Variants in ARPP21 observed in about 807,000 individuals in gnomAD.
ARPP21 encodes the protein cAMP regulated phosphoprotein 21.
Under a neutral mutation model 113.2 loss-of-function variants are expected in ARPP21, and 69 were observed. The observed-to-expected ratio is 0.61, with a 90% CI of 0.50 to 0.74. The LOEUF (loss-of-function observed/expected upper bound fraction) is 0.74. Among genes scored for constraint, ARPP21 ranks in the 30% least tolerant of loss-of-function variants. ARPP21 has a pLI of 0.00. For synonymous variants in ARPP21, 368 were observed against 375.5 expected (o/e 0.98, Z 0.23); for missense variants, 1,070 against 1,037.4 (o/e 1.03, Z -0.43).
chr3:35,724,309 G>A (rs766228673), intron 14 of ARPP21, among the ~76,000 whole-genome samples: 6 of 152,122 alleles, frequency 3.9e-5, no homozygotes, highest in Non-Finnish European at 7.3e-5. Context: ...ACACCTGTGC[G>A]GCAACCTCAG....
At chr3:35,655,527 G>T (rs1704447812) in intron 1 of ARPP21, among the ~76,000 whole-genome samples, 1 of 151,916 alleles carries the variant, frequency 6.6e-6, no homozygotes, top group South Asian at 2.1e-4. Context: ...TGAATTTATT[G>T]TTTCAAATGA....
rs1240250291 is a variant in ARPP21 at position 35,690,138 on chromosome 3, C to G, written c.543C>G (p.Asn181Lys). The change falls in exon 8 of 21, where the codon AAC (asparagine) becomes AAG (lysine). Residue 181 changes from asparagine to lysine, a missense_variant and splice_region_variant. Transcript: ENST00000684406. Reference sequence around the variant, plus strand: ...AAATTATTGATTTCATTGCTGACAACAAGTATGTTAAACTTCAATGCTGGT... The same window carrying G: ...AAATTATTGATTTCATTGCTGACAAGAAGTATGTTAAACTTCAATGCTGGT... ...EQEIIDFIAD[N>K]NNHYKKFPQM... 4 of 1,423,842 alleles carry G rather than the reference C, an allele frequency of 2.8e-6. No homozygotes were observed. The highest frequency in any genetic ancestry group is 4.0e-6 in the Non-Finnish European group (4 of 1,008,228). The allele number at this position is 1,423,842 out of a possible 1,614,324, so 88.2% of individuals were successfully genotyped here.
At chr3:35,654,428 G>A (rs1212214995) in intron 1 of ARPP21, among the ~76,000 whole-genome samples, 1 of 152,040 alleles carries the variant, frequency 6.6e-6, no homozygotes, top group Non-Finnish European at 1.5e-5. Flanking sequence ...CTGCCCCATG[G>A]GGGAGAAGTA....
intron 19 of ARPP21, among the ~76,000 whole-genome samples, chr3:35,787,875 C>T (rs2096664852): frequency 6.6e-6 from 1 of 152,130 alleles, no homozygotes; most frequent in Non-Finnish European, 1.5e-5. Flanking sequence ...CAGAAAACCA[C>T]AATTTAAATT....
chr3:35,697,034 A>G (rs1313831111), intron 9 of ARPP21, among the ~76,000 whole-genome samples: 3 of 151,596 alleles, frequency 2.0e-5, no homozygotes, highest in African/African-American at 4.8e-5. Context: ...CTCTTGCACA[A>G]GTGTTTTCCA....
At chr3:35,739,609 A>G in intron 18 of ARPP21, 32 bp downstream of exon 18, 1 of 1,573,072 alleles carries the variant, frequency 6.4e-7, no homozygotes, top group East Asian at 2.3e-5. Context: ...TGTGACCTAC[A>G]GCTGATTTCT....
intron 19 of ARPP21, among the ~76,000 whole-genome samples, chr3:35,749,988 C>A (rs1235753766): frequency 6.6e-6 from 1 of 151,806 alleles, no homozygotes; most frequent in African/African-American, 2.4e-5. Context: ...ATTTTATTGA[C>A]CTTTTCCAAG....
At position 35,640,280 on chromosome 3, in the gene ARPP21, AAAAC is replaced by A. The variant is rs1300725620; in HGVS notation, c.-323_-320del. 1.3e-5 allele frequency: 2 copies of A among 152,430 alleles called. No homozygotes were observed. The highest frequency in any genetic ancestry group is 2.4e-5 in the African/African-American group (1 of 41,472). 9.4% of individuals were successfully genotyped at this position (152,430 alleles called of 1,614,324 possible). A position where few individuals can be genotyped will look rare whatever the true frequency, so the allele number is the denominator to read the frequency against. On this transcript the variant is annotated 5_prime_UTR_variant, in exon 1 of 21. Transcript: ENST00000684406. ...AACAACAAAAGCCAAGCCAAAAGCC[AAAAC>A]AAACAAATCCAGCCAAATCAATCAT...
intron 9 of ARPP21, among the ~76,000 whole-genome samples, chr3:35,705,078 A>G (rs2088242443): frequency 6.6e-6 from 1 of 152,102 alleles, no homozygotes; most frequent in Admixed American, 6.6e-5. Context: ...AAATCATTTC[A>G]CTTAACTGGA....
intron 1 of ARPP21, among the ~76,000 whole-genome samples, chr3:35,673,629 C>G (rs112519345): frequency 6.6e-6 from 1 of 151,874 alleles, no homozygotes; most frequent in African/African-American, 2.4e-5. Flanking sequence ...GTAAACATGG[C>G]TTTTATGGAC....
chr3:35,691,047 C>T (rs2149639149), intron 9 of ARPP21, 42 bp downstream of exon 9: 1 of 1,565,364 alleles, frequency 6.4e-7, no homozygotes, highest in Non-Finnish European at 8.7e-7. Flanking sequence ...TTCTTTTTCT[C>T]CTATGGATTC....
chr3:35,748,117 GA>G (rs1186083947), intron 19 of ARPP21, among the ~76,000 whole-genome samples: 130 of 119,188 alleles, frequency 1.1e-3, no homozygotes, highest in Admixed American at 0.011. Context: ...AAAGAAGAAA[GA>G]AAGAAAGAAA....
intron 1 of ARPP21, among the ~76,000 whole-genome samples, chr3:35,679,108 A>G (rs1350195551): frequency 1.3e-5 from 2 of 151,882 alleles, no homozygotes; most frequent in African/African-American, 2.4e-5. Context: ...TTTGCTGTCA[A>G]ACAGAATGCC....
intron 19 of ARPP21, among the ~76,000 whole-genome samples, chr3:35,770,839 G>A (rs758877311): frequency 6.6e-6 from 1 of 152,158 alleles, no homozygotes; most frequent in African/African-American, 2.4e-5. Context: ...GAGAATCACT[G>A]CAGTAATATA....
intron 4 of ARPP21, 128 bp downstream of exon 4, chr3:35,683,017 A>G (rs1385520306): frequency 5.8e-6 from 5 of 855,142 alleles, no homozygotes; most frequent in Admixed American, 2.6e-5. Flanking sequence ...TCTCGGCTGT[A>G]CTGGTGCTGG....
intron 14 of ARPP21, among the ~76,000 whole-genome samples, chr3:35,722,621 T>C (rs1346738586): frequency 1.3e-5 from 2 of 152,174 alleles, no homozygotes; most frequent in Non-Finnish European, 2.9e-5. Context: ...GGTGCTTGTA[T>C]GTTTTTTTCC....
chr3:35,660,811 T>C (rs1707412285), intron 1 of ARPP21, among the ~76,000 whole-genome samples: 1 of 152,178 alleles, frequency 6.6e-6, no homozygotes, highest in Non-Finnish European at 1.5e-5. Flanking sequence ...GAGATAGTTG[T>C]GGGTTTTTTT....
At chr3:35,648,332 A>C (rs1701054058) in intron 1 of ARPP21, among the ~76,000 whole-genome samples, 1 of 152,236 alleles carries the variant, frequency 6.6e-6, no homozygotes, top group African/African-American at 2.4e-5. Context: ...GGGGTGAATA[A>C]ATAACCAAAT....
chr3:35,738,497 T>A (rs995706693), intron 17 of ARPP21, among the ~76,000 whole-genome samples, 179 bp downstream of exon 17: 7 of 152,236 alleles, frequency 4.6e-5, no homozygotes, highest in African/African-American at 1.7e-4. Context: ...AATGGTTTCC[T>A]TTCTGTCATC....
Sources: allele counts gnomAD v4.1 joint callset (sites outside exome capture counted in the v4.1 genomes callset), GRCh38; gene constraint gnomAD v4.1.1; transcripts MANE v1.5; gene names NCBI Gene and HGNC (gene_info 2026-07-23, HGNC 2026-07-21).